Variants in JAM3 observed in about 807,000 individuals in gnomAD.
JAM3 encodes the protein junctional adhesion molecule 3.
Under a neutral mutation model 39.4 loss-of-function variants are expected in JAM3, and 31 were observed. The observed-to-expected ratio is 0.79, with a 90% CI of 0.59 to 1.06. The LOEUF (loss-of-function observed/expected upper bound fraction) is 1.06. Ranked by LOEUF, JAM3 falls within the 50% of genes least tolerant of loss-of-function variation. JAM3 has a pLI of 0.00. For synonymous variants in JAM3, 182 were observed against 148.7 expected (o/e 1.22, Z -1.63); for missense variants, 455 against 391.4 (o/e 1.16, Z -1.37).
intron 1 of JAM3, among the ~76,000 whole-genome samples, chr11:134,096,111 G>A (rs934713495): frequency 6.6e-6 from 1 of 152,052 alleles, no homozygotes; most frequent in African/African-American, 2.4e-5. Context: ...CAAGTAGCTG[G>A]GATGACAGGT....
chr11:134,118,447 A>G (rs1198587211), intron 1 of JAM3, among the ~76,000 whole-genome samples: 1 of 152,048 alleles, frequency 6.6e-6, no homozygotes, highest in Non-Finnish European at 1.5e-5. Context: ...TCTCCTTTGC[A>G]CAGGTTCTCC....
In JAM3 at chr11:134,093,445, C is replaced by T. The variant is rs1329775218; in HGVS notation, c.76+24286C>T. On this transcript the variant is annotated intron_variant, in intron 1 of 8. Transcript: ENST00000299106. ...CTGAGGGAAGCTTCTCCTGAAACCT[C>T]CTTATTCGTCATGTTCCACCTTACA... 4.4e-5 allele frequency among the ~76,000 whole-genome samples: 6 copies of T among 136,452 alleles called. 2 individuals carry two copies. The highest frequency in any genetic ancestry group is 1.7e-4 in the African/African-American group (6 of 35,734). The allele number at this position is 136,452 out of a possible 152,430, so 89.5% of individuals were successfully genotyped here.
chr11:134,113,906 C>T (rs1030214729), intron 1 of JAM3, among the ~76,000 whole-genome samples: 3 of 152,198 alleles, frequency 2.0e-5, no homozygotes, highest in African/African-American at 7.2e-5. Context: ...GAGATGGTAT[C>T]TCATTGTGGT....
At position 134,149,184 on chromosome 11, in the gene JAM3, C is replaced by A. The variant is rs754250626; in HGVS notation, c.*3C>A. On this transcript the variant is annotated 3_prime_UTR_variant, in exon 9 of 9. Transcript: ENST00000299106. ...ACAAGTCATCGTTTGTGATCTGAGA[C>A]CCGCGGTGTGGCTGAGAGCGCACAG... 5.6e-6 allele frequency: 9 copies of A among 1,614,006 alleles called. No homozygotes were observed. The highest frequency in any genetic ancestry group is 7.6e-6 in the Non-Finnish European group (9 of 1,179,876).
chr11:134,148,759 C>A lies in JAM3; in HGVS notation c.843-5C>A. The A allele has an allele frequency of 6.2e-7, 1 of 1,614,136 alleles. No homozygotes were observed. The highest frequency in any genetic ancestry group is 8.5e-7 in the Non-Finnish European group (1 of 1,179,970). Reference sequence around the variant, plus strand: ...TGTTGCTAAACTGCTCTCTTCTCCTCATAGTTACAAGAACCCAGGGAAACC... The same window carrying A: ...TGTTGCTAAACTGCTCTCTTCTCCTAATAGTTACAAGAACCCAGGGAAACC... On this transcript the variant is annotated splice_region_variant and splice_polypyrimidine_tract_variant and intron_variant, in intron 7 of 8. Transcript: ENST00000299106.
chr11:134,122,189 A>G (rs1464442938), intron 1 of JAM3, among the ~76,000 whole-genome samples: 1 of 152,198 alleles, frequency 6.6e-6, no homozygotes, highest in African/African-American at 2.4e-5. Context: ...CCAACATTTG[A>G]GGTATCATCA....
intron 1 of JAM3, among the ~76,000 whole-genome samples, chr11:134,080,173 A>G (rs192674775): frequency 6.6e-6 from 1 of 152,220 alleles, no homozygotes; most frequent in Non-Finnish European, 1.5e-5. Context: ...GGTCTAGCTG[A>G]TAAGTCCACT....
chr11:134,105,809 T>A (rs1942173139), intron 1 of JAM3, among the ~76,000 whole-genome samples: 1 of 152,130 alleles, frequency 6.6e-6, no homozygotes, highest in Non-Finnish European at 1.5e-5. Flanking sequence ...AAGGACCTCT[T>A]CAAGGAGAAC....
At chr11:134,087,311 C>T (rs1187226854) in intron 1 of JAM3, among the ~76,000 whole-genome samples, 1 of 152,104 alleles carries the variant, frequency 6.6e-6, no homozygotes, top group African/African-American at 2.4e-5. Flanking sequence ...TAAAGTATTT[C>T]TGTTTAAGAA....
intron 1 of JAM3, among the ~76,000 whole-genome samples, chr11:134,138,125 A>G (rs1388254936): frequency 4.6e-5 from 6 of 129,316 alleles, no homozygotes; most frequent in Admixed American, 7.5e-5. Context: ...TGGTGCTCCT[A>G]CTGAGAGAAA....
In JAM3 at chr11:134,148,827, T is replaced by C. The variant is rs1943129699; in HGVS notation, c.897+9T>C. On this transcript the variant is annotated intron_variant, in intron 8 of 8. Coordinates refer to ENST00000299106, the MANE Select transcript of JAM3 (RefSeq NM_032801.5). ...TCCGCACTGACGAGGAGGTAATCAT[T>C]TAGTAAACCTGGAAACCTAGGTGTA... is the stretch of plus-strand genomic sequence containing the variant. 6.2e-7 allele frequency: 1 copy of C among 1,613,744 alleles called. No individual in the cohort carries two copies. The highest frequency in any genetic ancestry group is 1.1e-5 in the South Asian group (1 of 91,068).
At chr11:134,071,579 A>G (rs1443665393) in intron 1 of JAM3, among the ~76,000 whole-genome samples, 1 of 152,166 alleles carries the variant, frequency 6.6e-6, no homozygotes, top group Non-Finnish European at 1.5e-5. Flanking sequence ...CAAATCTTTG[A>G]TATTCTAGAG....
chr11:134,089,315 CT>C (rs909374374), intron 1 of JAM3, among the ~76,000 whole-genome samples: 119 of 151,920 alleles, frequency 7.8e-4, no homozygotes, highest in African/African-American at 2.4e-3. Flanking sequence ...TTTTCTTTTT[CT>C]TTTTTTTATT....
At chr11:134,120,731 C>G (rs1942515725) in intron 1 of JAM3, among the ~76,000 whole-genome samples, 1 of 152,144 alleles carries the variant, frequency 6.6e-6, no homozygotes, top group Non-Finnish European at 1.5e-5. Flanking sequence ...TTTTCATGGA[C>G]CCTCACTCTG....
intron 1 of JAM3, among the ~76,000 whole-genome samples, chr11:134,114,772 C>G (rs191059165): frequency 6.6e-6 from 1 of 152,240 alleles, no homozygotes; most frequent in African/African-American, 2.4e-5. Context: ...GGAATATGGT[C>G]TACCTTGGTA....
At position 134,126,304 on chromosome 11, in the gene JAM3, A is replaced by G. The variant is rs181577826; in HGVS notation, c.77-13547A>G. ...TGAGGCTCTCTAAACAAATGAGGAA[A>G]AGGCTGTTGTTCAGAGGTGGTGACT... On this transcript the variant is annotated intron_variant, in intron 1 of 8. Coordinates refer to ENST00000299106, the MANE Select transcript of JAM3 (RefSeq NM_032801.5). 59 of 152,306 alleles carry G rather than the reference A, an allele frequency of 3.9e-4. 1 individual carries two copies. Among genetic ancestry groups the G allele is most frequent in the African/African-American group, 1.2e-3 (48 of 41,564 alleles). The allele number at this position is 152,306 out of a possible 1,614,324, so 9.4% of individuals were successfully genotyped here.
At chr11:134,125,844 A>T (rs1394309735) in intron 1 of JAM3, among the ~76,000 whole-genome samples, 1 of 152,162 alleles carries the variant, frequency 6.6e-6, no homozygotes, top group Non-Finnish European at 1.5e-5. Flanking sequence ...TCTACATTAG[A>T]CATCAGTCCT....
intron 1 of JAM3, 80 bp from the exon 2 acceptor site, chr11:134,139,771 G>A (rs1942940906): frequency 6.5e-6 from 7 of 1,075,024 alleles, no homozygotes; most frequent in Middle Eastern, 2.0e-4. Flanking sequence ...CTACGCAGAC[G>A]GGAAAACCTG....
chr11:134,124,245 T>C, intron 1 of JAM3: 1 of 1,158,316 alleles, frequency 8.6e-7, no homozygotes, highest in Non-Finnish European at 1.3e-6. Flanking sequence ...TGGGAACTCG[T>C]TGAGAGTAGC....
Sources: allele counts gnomAD v4.1 joint callset (sites outside exome capture counted in the v4.1 genomes callset), GRCh38; gene constraint gnomAD v4.1.1; transcripts MANE v1.5; gene names NCBI Gene and HGNC (gene_info 2026-07-23, HGNC 2026-07-21).